Variants in CFAP410 observed in about 807,000 individuals in gnomAD.
CFAP410 encodes the protein cilia- and flagella-associated protein 410.
Under a neutral mutation model 25.7 loss-of-function variants are expected in CFAP410, and 27 were observed. The observed-to-expected ratio is 1.05, with a 90% CI of 0.77 to 1.45. The LOEUF (loss-of-function observed/expected upper bound fraction) is 1.45, where lower values mean the gene tolerates loss of function less well. Ranked by LOEUF, CFAP410 falls within the 40% of genes most tolerant of loss-of-function variation. The pLI is 0.00. For synonymous variants in CFAP410, 178 were observed against 158.4 expected (o/e 1.12, Z -0.93); for missense variants, 428 against 354.1 (o/e 1.21, Z -1.67).
chr21:44,331,000 C>T, intron 5 of CFAP410, 81 bp from the exon 6 acceptor site: 4 of 1,283,654 alleles, frequency 3.1e-6, no homozygotes, highest in East Asian at 2.5e-5. Context: ...CTGCGGGTCG[C>T]ATCCAAGCAA....
chr21:44,336,508 C>T (rs1458666989), intron 2 of CFAP410, among the ~76,000 whole-genome samples: 2 of 152,130 alleles, frequency 1.3e-5, no homozygotes, highest in Non-Finnish European at 2.9e-5. Context: ...GGGTGAGGTG[C>T]CCGGGGTGGT....
intron 4 of CFAP410, chr21:44,332,566 C>A (rs1007229691): frequency 2.9e-5 from 5 of 171,184 alleles, no homozygotes; most frequent in African/African-American, 9.5e-5. Flanking sequence ...GCAGGCACTG[C>A]GGTGCTGGGA....
chr21:44,331,168 C>T (rs1602074342), intron 5 of CFAP410: 1 of 567,116 alleles, frequency 1.8e-6, no homozygotes, highest in Non-Finnish European at 3.1e-6. Context: ...CCAGCTGTAA[C>T]ACCTTCCACC....
Position 44,329,880 on chromosome 21 carries a change from A to C in CFAP410, c.*318T>G, listed in dbSNP as rs2047609226. 1 of 301,636 alleles carries C rather than the reference A, an allele frequency of 3.3e-6. No homozygotes were observed. The highest frequency in any genetic ancestry group is 6.5e-5 in the East Asian group (1 of 15,466). The allele number at this position is 301,636 out of a possible 1,614,324, so 18.7% of individuals were successfully genotyped here. On this transcript the variant is annotated 3_prime_UTR_variant, in exon 7 of 7. Transcript: ENST00000339818. ...TCACAACCATGCCTTGGGAAACGTC[A>C]CCTCCAGATCAACCTTGGGAAAATC...
At position 44,333,385 on chromosome 21, in the gene CFAP410, T is replaced by C. The variant is rs73907174; in HGVS notation, c.144-123A>G. The C allele has an allele frequency of 0.022, 16,077 of 746,436 alleles. 1,395 individuals are homozygous for C. The highest frequency in any genetic ancestry group is 0.21 in the African/African-American group (11,979 of 56,760). The allele number at this position is 746,436 out of a possible 1,614,324, so 46.2% of individuals were successfully genotyped here. A position where few individuals can be genotyped will look rare whatever the true frequency, so the allele number is the denominator to read the frequency against. On this transcript the variant is annotated intron_variant, in intron 3 of 6. Coordinates refer to ENST00000339818, the MANE Select transcript of CFAP410 (RefSeq NM_004928.3). ...TGTCCCTGCCCTCTCCTGAGAAGCC[T>C]AAATCGGATGTCACAAGTCACGTGC...
rs1568991507 is a variant in CFAP410, at chr21:44,336,305, T to C, written c.97-501A>G. ...CGACAGCATCGTTGCTGTCAGATGC[T>C]GCCAGCAGTGGAGACAGAGCATTCA... On this transcript the variant is annotated intron_variant, in intron 2 of 6. Coordinates refer to ENST00000339818, the MANE Select transcript of CFAP410 (RefSeq NM_004928.3). Among the ~76,000 whole-genome samples the C allele has an allele frequency of 2.0e-5, 3 of 152,176 alleles. No individual in the cohort carries two copies. In the East Asian group the frequency reaches 5.8e-4, roughly 29 times the overall value.
Position 44,335,811 on chromosome 21 carries a change from G to A in CFAP410, c.97-7C>T. 6.3e-7 allele frequency: 1 copy of A among 1,585,126 alleles called. No homozygotes were observed. Among genetic ancestry groups the A allele is most frequent in the Non-Finnish European group, 8.6e-7 (1 of 1,163,938 alleles). On this transcript the variant is annotated splice_region_variant and splice_polypyrimidine_tract_variant and intron_variant, in intron 2 of 6. Transcript: ENST00000339818. ...TCTCCTGGCAAATGGAGATCTAGGA[G>A]GAAAAGAACATGACTAGCAAGCATG...
intron 5 of CFAP410, chr21:44,331,633 G>A (rs936321007): frequency 7.1e-6 from 4 of 564,914 alleles, no homozygotes; most frequent in Non-Finnish European, 1.2e-5. Context: ...CACATCCGCT[G>A]TTGGGCAAAA....
rs544718455 is a variant in CFAP410, at chr21:44,330,808, C to T, written c.642+15G>A. 7.3e-5 allele frequency: 115 copies of T among 1,578,692 alleles called. No homozygotes were observed. In the Middle Eastern group the frequency reaches 1.5e-3, roughly 21 times the overall value. Reference sequence around the variant, plus strand: ...GGGCAGAGGCAGCCGCGGCCCCTAGCGGCCCGCCACTCACCCTGCCCCTGT... The same window carrying T: ...GGGCAGAGGCAGCCGCGGCCCCTAGTGGCCCGCCACTCACCCTGCCCCTGT... On this transcript the variant is annotated intron_variant, in intron 6 of 6. Coordinates refer to ENST00000339818, the MANE Select transcript of CFAP410 (RefSeq NM_004928.3).
intron 4 of CFAP410, chr21:44,332,715 G>A (rs1241823474): frequency 7.8e-6 from 3 of 386,376 alleles, no homozygotes; most frequent in Non-Finnish European, 1.4e-5. Context: ...GGCGCATGGC[G>A]ATGGTCAGAG....
At chr21:44,333,534 C>CT (rs1223230254) in intron 3 of CFAP410, 1 of 553,578 alleles carries the variant, frequency 1.8e-6, no homozygotes, top group East Asian at 2.9e-5. Flanking sequence ...CCTCAGGGCG[C>CT]TAGAGTGCGG....
chr21:44,337,529 G>T, intron 2 of CFAP410, 120 bp downstream of exon 2: 1 of 813,926 alleles, frequency 1.2e-6, no homozygotes, highest in Non-Finnish European at 2.0e-6. Context: ...GTGTGGGACT[G>T]AATTGATAGG....
chr21:44,331,812 C>T, intron 5 of CFAP410, 31 bp downstream of exon 5: 1 of 1,600,610 alleles, frequency 6.2e-7, no homozygotes. Flanking sequence ...CAGGGATGGG[C>T]TGCGGAGTCC....
Position 44,329,614 on chromosome 21 carries a change from G to C in CFAP410, c.*584C>G, listed in dbSNP as rs1218310754. On this transcript the variant is annotated 3_prime_UTR_variant, in exon 7 of 7. Coordinates refer to ENST00000339818, the MANE Select transcript of CFAP410 (RefSeq NM_004928.3). ...CCCTCCTGCAGTTCTTCACAGGAGA[G>C]AGAAAGGAAGGCGCACCTGCCCAGC... is the stretch of plus-strand genomic sequence containing the variant. 1 of 152,676 alleles carries C rather than the reference G, an allele frequency of 6.5e-6. No individual in the cohort carries two copies. Among genetic ancestry groups the C allele is most frequent in the Non-Finnish European group, 1.5e-5 (1 of 68,382 alleles). 9.5% of individuals were successfully genotyped at this position (152,676 alleles called of 1,614,324 possible).
chr21:44,338,254 C>T lies in CFAP410; in HGVS notation c.78-587G>A, dbSNP rs1057069200. 3.1e-6 allele frequency: 4 copies of T among 1,280,940 alleles called. No individual in the cohort carries two copies. The African/African-American group carries it at 4.6e-5, about 15-fold the overall frequency. 79.3% of individuals were successfully genotyped at this position (1,280,940 alleles called of 1,614,324 possible). A position where few individuals can be genotyped will look rare whatever the true frequency, so the allele number is the denominator to read the frequency against. ...CTCACTCTGGGCAGTCTGCGGACAC[C>T]CCTGGGAGGAAGCGTCTGCTCTCGC... is the stretch of plus-strand genomic sequence containing the variant. On this transcript the variant is annotated intron_variant, in intron 1 of 6. Coordinates refer to ENST00000339818, the MANE Select transcript of CFAP410 (RefSeq NM_004928.3).
intron 5 of CFAP410, chr21:44,331,253 G>A (rs907937171): frequency 2.4e-6 from 1 of 420,020 alleles, no homozygotes; most frequent in Non-Finnish European, 4.3e-6. Flanking sequence ...ATGGGGTCAG[G>A]CCCTGTGCCG....
intron 3 of CFAP410, 175 bp from the exon 4 acceptor site, chr21:44,333,437 T>TGTAGG: frequency 3.3e-6 from 2 of 614,232 alleles, no homozygotes; most frequent in Non-Finnish European, 5.8e-6. Context: ...AGGAGAGAGC[T>TGTAGG]GTAGGAAGGC....
intron 3 of CFAP410, chr21:44,335,372 T>G (rs1365128023): frequency 1.6e-5 from 4 of 257,330 alleles, no homozygotes; most frequent in South Asian, 5.7e-5. Flanking sequence ...ACTCTGGGGG[T>G]CCCAGGGCAG....
At chr21:44,330,710 C>T in intron 6 of CFAP410, 113 bp downstream of exon 6, 1 of 1,549,340 alleles carries the variant, frequency 6.5e-7, no homozygotes, top group Non-Finnish European at 8.7e-7. Flanking sequence ...CTGTGAGGCT[C>T]CATGCTCCCT....
Sources: allele counts gnomAD v4.1 joint callset (sites outside exome capture counted in the v4.1 genomes callset), GRCh38; gene constraint gnomAD v4.1.1; transcripts MANE v1.5; gene names NCBI Gene and HGNC (gene_info 2026-07-23, HGNC 2026-07-21).